Variants in PIK3CD observed in about 807,000 individuals in gnomAD.
The protein encoded by PIK3CD is phosphatidylinositol 4,5-bisphosphate 3-kinase catalytic subunit delta isoform.
PIK3CD carries 20 observed loss-of-function variants against 122.9 expected under a neutral mutation model. The observed-to-expected ratio is 0.16, with a 90% confidence interval of 0.11 to 0.24. The LOEUF (loss-of-function observed/expected upper bound fraction) is 0.24, where lower values mean the gene tolerates loss of function less well. PIK3CD is among the 10% of genes least tolerant of loss of function. PIK3CD has a pLI of 1.00. For synonymous variants in PIK3CD, 596 were observed against 593.4 expected (o/e 1.00, Z -0.06); for missense variants, 787 against 1,406.3 (o/e 0.56, Z 7.04).
chr1:9,727,792 C>A lies in PIK3CD; in HGVS notation c.*746C>A, dbSNP rs568280596. On this transcript the variant is annotated 3_prime_UTR_variant, in exon 24 of 24. Coordinates refer to ENST00000377346, the MANE Select transcript of PIK3CD (RefSeq NM_005026.5). The stretch of plus-strand genomic sequence containing the variant: ...AAGCAGGTCAGAAGCGAATACTCTG[C>A]CATTATCTCAAAAATCTTTTTTTTT... The A allele has an allele frequency of 3.1e-5, 6 of 195,408 alleles. No homozygotes were observed. Among genetic ancestry groups the A allele is most frequent in the Admixed American group, 2.4e-4 (4 of 16,404 alleles). The allele number at this position is 195,408 out of a possible 1,614,324, so 12.1% of individuals were successfully genotyped here. A position where few individuals can be genotyped will look rare whatever the true frequency, so the allele number is the denominator to read the frequency against.
chr1:9,692,514 C>G (rs899684373), intron 2 of PIK3CD, among the ~76,000 whole-genome samples: 1 of 151,902 alleles, frequency 6.6e-6, no homozygotes, highest in Non-Finnish European at 1.5e-5. Flanking sequence ...ATCACGAGGT[C>G]AGGAGTTCGA....
the PIK3CD span, among the ~76,000 whole-genome samples, chr1:9,635,886 C>A: frequency 6.6e-6 from 1 of 152,222 alleles, no homozygotes; most frequent in African/African-American, 2.4e-5. Context: ...GACATGTGAG[C>A]ATCTGGCTGC....
intron 1 of PIK3CD, among the ~76,000 whole-genome samples, chr1:9,683,137 A>C (rs894621162): frequency 3.0e-4 from 19 of 63,852 alleles, no homozygotes; most frequent in Admixed American, 7.3e-4. Context: ...AAAAAAAAAA[A>C]AAACCAAAAA....
chr1:9,661,632 G>A (rs762502864), intron 1 of PIK3CD, among the ~76,000 whole-genome samples: 1 of 152,002 alleles, frequency 6.6e-6, no homozygotes, highest in Non-Finnish European at 1.5e-5. Context: ...AGGCCAAGGC[G>A]GGTGGATCAC....
chr1:9,678,101 G>A (rs1385418385), intron 1 of PIK3CD, among the ~76,000 whole-genome samples: 3 of 150,278 alleles, frequency 2.0e-5, no homozygotes, highest in African/African-American at 7.4e-5. Context: ...CCAAGATCGC[G>A]CCATTGCAGT....
chr1:9,632,175 G>C, the PIK3CD span, among the ~76,000 whole-genome samples: 3 of 152,112 alleles, frequency 2.0e-5, no homozygotes, highest in African/African-American at 7.2e-5. Flanking sequence ...ACCACGCCCA[G>C]CTAATTTTGT....
intron 1 of PIK3CD, among the ~76,000 whole-genome samples, chr1:9,668,827 C>T (rs1297423610): frequency 1.3e-5 from 2 of 152,074 alleles, no homozygotes; most frequent in Non-Finnish European, 2.9e-5. Context: ...TGTGAGCCTC[C>T]CTGAGCAAGC....
At chr1:9,654,237 C>T (rs1365422807) in intron 1 of PIK3CD, 1 of 1,367,720 alleles carries the variant, frequency 7.3e-7, no homozygotes, top group Non-Finnish European at 9.8e-7. Flanking sequence ...CCCAGAGGTA[C>T]TCCCGACCAC....
Position 9,710,714 on chromosome 1 carries a change from T to TG in PIK3CD, c.141+120dup, listed in dbSNP as rs1647016909. The stretch of plus-strand genomic sequence containing the variant: ...ACAGGTGGACAGACGGACAGACAGA[T>TG]GGACAGATGCACTGCTTTTCAGACT... On this transcript the variant is annotated intron_variant, in intron 3 of 23. Transcript: ENST00000377346. This position sits in a 1 kb window ranked among gnomAD's most constrained non-coding sequence, Gnocchi z 4.7. 9.3e-7 allele frequency: 1 copy of TG among 1,075,300 alleles called. No homozygotes were observed. The highest frequency in any genetic ancestry group is 2.4e-5 in the East Asian group (1 of 41,684). The allele number at this position is 1,075,300 out of a possible 1,614,324, so 66.6% of individuals were successfully genotyped here.
intron 1 of PIK3CD, among the ~76,000 whole-genome samples, chr1:9,671,478 C>A (rs1645325592): frequency 6.6e-6 from 1 of 152,156 alleles, no homozygotes; most frequent in South Asian, 2.1e-4. Flanking sequence ...TATGGGTGAG[C>A]CCTGCTCAGC....
chr1:9,663,776 T>A (rs944786515), intron 1 of PIK3CD, among the ~76,000 whole-genome samples: 2 of 136,194 alleles, frequency 1.5e-5, no homozygotes, highest in East Asian at 5.1e-4. Flanking sequence ...ATGTTCCCCT[T>A]CCTGTGTCCA....
intron 1 of PIK3CD, among the ~76,000 whole-genome samples, chr1:9,688,553 T>C (rs973844856): frequency 1.3e-5 from 2 of 151,328 alleles, no homozygotes; most frequent in Admixed American, 6.6e-5. Flanking sequence ...GATGCCTGGA[T>C]AAAAACTGGA....
chr1:9,678,819 G>A (rs575909486), intron 1 of PIK3CD, among the ~76,000 whole-genome samples: 2 of 152,296 alleles, frequency 1.3e-5, no homozygotes, highest in Admixed American at 6.5e-5. Context: ...GCACAAGTTT[G>A]CCCCTGCCAT....
chr1:9,662,477 G>T, intron 1 of PIK3CD: 1 of 153,344 alleles, frequency 6.5e-6, no homozygotes, highest in Non-Finnish European at 1.5e-5. Flanking sequence ...TGGCCTCTGT[G>T]GTGTCCTCAC....
Position 9,691,528 on chromosome 1 carries a change from G to C in PIK3CD, c.-76G>C. 1 of 398,650 alleles carries C rather than the reference G, an allele frequency of 2.5e-6. No individual in the cohort carries two copies. The highest frequency in any genetic ancestry group is 4.4e-6 in the Non-Finnish European group (1 of 226,092). The allele number at this position is 398,650 out of a possible 1,614,324, so 24.7% of individuals were successfully genotyped here. A position where few individuals can be genotyped will look rare whatever the true frequency, so the allele number is the denominator to read the frequency against. ...ATTCTAAAGCATCTTTAATCTGCCAGGCGGAGGGGGCTTTGCTGGTCTTTC... is the reference window on the plus strand; with the variant it reads ...ATTCTAAAGCATCTTTAATCTGCCACGCGGAGGGGGCTTTGCTGGTCTTTC... On this transcript the variant is annotated 5_prime_UTR_variant, in exon 2 of 24. Transcript: ENST00000377346.
intron 1 of PIK3CD, among the ~76,000 whole-genome samples, chr1:9,667,619 G>T (rs1159851914): frequency 1.3e-5 from 2 of 151,948 alleles, no homozygotes; most frequent in Non-Finnish European, 2.9e-5. Flanking sequence ...CTCGTGATCT[G>T]CCCGCCTCGG....
chr1:9,627,566 G>A, the PIK3CD span, among the ~76,000 whole-genome samples: 1 of 152,238 alleles, frequency 6.6e-6, no homozygotes, highest in Non-Finnish European at 1.5e-5. Context: ...GGTGACAGTG[G>A]TGATGATGAT....
rs768351997 is a variant in PIK3CD, at chr1:9,720,082, C to T, written c.1340-30C>T. 1.2e-6 allele frequency: 2 copies of T among 1,613,340 alleles called. No homozygotes were observed. Among genetic ancestry groups the T allele is most frequent in the African/African-American group, 1.3e-5 (1 of 75,052 alleles). On this transcript the variant is annotated intron_variant, in intron 10 of 23. Coordinates refer to ENST00000377346, the MANE Select transcript of PIK3CD (RefSeq NM_005026.5). The surrounding 1 kb of genome is among the most constrained non-coding windows in gnomAD (Gnocchi z 9.0). ...AGGGTCCCAGAGATGCTGGTCACCC[C>T]TCTACAACTTCATCTGCCCCTGTGT... is the stretch of plus-strand genomic sequence containing the variant.
Position 9,715,727 on chromosome 1 carries a change from A to C in PIK3CD, c.328A>C (p.Lys110Gln), listed in dbSNP as rs1449263530. ...RLVAREGDRV[K>Q]KLINSQISLL... ...GGTGGCCCGTGAGGGCGACCGCGTGAAGAAGCTCATCAACTCACAGATCAG... is the reference window on the plus strand; with the variant it reads ...GGTGGCCCGTGAGGGCGACCGCGTGCAGAAGCTCATCAACTCACAGATCAG... Residue 110 changes from lysine (K) to glutamine (Q), a missense_variant, in exon 4 of 24, where the codon AAG (lysine) becomes CAG (glutamine). Lys to Gln is a moderately conservative substitution (Grantham distance 53). Coordinates refer to ENST00000377346, the MANE Select transcript of PIK3CD (RefSeq NM_005026.5). This position sits in a 1 kb window ranked among gnomAD's most constrained non-coding sequence, Gnocchi z 4.1. The C allele has an allele frequency of 1.9e-6, 3 of 1,613,458 alleles. No individual in the cohort carries two copies. Among genetic ancestry groups the C allele is most frequent in the Non-Finnish European group, 2.5e-6 (3 of 1,179,994 alleles).
Sources: allele counts gnomAD v4.1 joint callset (sites outside exome capture counted in the v4.1 genomes callset), GRCh38; gene constraint gnomAD v4.1.1; non-coding constraint Gnocchi (gnomAD v3.1); transcripts MANE v1.5; gene names NCBI Gene and HGNC (gene_info 2026-07-23, HGNC 2026-07-21).